Variants in IL1RAPL1 observed in about 807,000 individuals in gnomAD.
The protein encoded by IL1RAPL1 is interleukin 1 receptor accessory protein like 1.
IL1RAPL1 carries 3 observed loss-of-function variants against 48.4 expected under a neutral mutation model. The ratio of observed to expected loss-of-function variants is 0.06; its 90% CI spans 0.03 to 0.16. IL1RAPL1 has a LOEUF of 0.16. Among genes scored for constraint, IL1RAPL1 ranks in the 10% least tolerant of loss-of-function variants. The pLI is 1.00. For synonymous variants in IL1RAPL1, 185 were observed against 187.7 expected, an observed-to-expected ratio of 0.99 and a Z score of 0.12; for missense variants, 349 against 530.6, an observed-to-expected ratio of 0.66 and a Z score of 3.36.
intron 6 of IL1RAPL1, among the ~76,000 whole-genome samples, chrX:29,822,191 A>T: frequency 9.0e-6 from 1 of 111,702 alleles, no homozygotes; most frequent in Middle Eastern, 4.7e-3. Flanking sequence ...AACAAAGCCT[A>T]TATTGTGAAG....
At chrX:28,708,431 A>G (rs1326229643) in intron 1 of IL1RAPL1, among the ~76,000 whole-genome samples, 1 of 111,211 alleles carries the variant, frequency 9.0e-6, no homozygotes, top group Non-Finnish European at 1.9e-5. Flanking sequence ...TCAGAAAACT[A>G]AAAATAGGAT....
chrX:29,323,465 T>C (rs191917480), intron 3 of IL1RAPL1, among the ~76,000 whole-genome samples: 101 of 106,210 alleles, frequency 9.5e-4, no homozygotes, highest in African/African-American at 3.2e-3. Flanking sequence ...TTGCCTCTTA[T>C]TATAGTATTC....
rs150542183 is a variant in IL1RAPL1, at chrX:29,402,182, A to G, written c.703+2874A>G. ...TGTTACGGCACCATCTCTAGCCTCT[A>G]TCTTTTATTAGCCTTACCCACATTG... is the stretch of plus-strand genomic sequence containing the variant. On this transcript the variant is annotated intron_variant, in intron 5 of 10. Coordinates refer to ENST00000378993, the MANE Select transcript of IL1RAPL1 (RefSeq NM_014271.4). Among the ~76,000 whole-genome samples, 1,065 of 111,641 alleles carry G rather than the reference A, an allele frequency of 9.5e-3. 15 individuals are homozygous for G. The highest frequency in any genetic ancestry group is 0.032 in the African/African-American group (992 of 30,751).
intron 6 of IL1RAPL1, among the ~76,000 whole-genome samples, chrX:29,866,421 G>A (rs369892087): frequency 1.8e-4 from 20 of 110,578 alleles, no homozygotes; most frequent in Middle Eastern, 4.3e-3. Context: ...ATAAATCAGA[G>A]TAAGGGAACA....
At chrX:29,394,052 T>C (rs1467175831) in intron 3 of IL1RAPL1, among the ~76,000 whole-genome samples, 4 of 109,595 alleles carry the variant, frequency 3.6e-5, no homozygotes, top group African/African-American at 1.3e-4. Context: ...AAAGATTGAC[T>C]CTACCTTTCA....
At chrX:28,743,523 CA>C (rs1404682224) in intron 1 of IL1RAPL1, among the ~76,000 whole-genome samples, 4 of 111,161 alleles carry the variant, frequency 3.6e-5, no homozygotes, top group Non-Finnish European at 7.6e-5. Context: ...GAATTGAGAA[CA>C]ACCAAGTATA....
chrX:29,837,188 G>A (rs950382003), intron 6 of IL1RAPL1, among the ~76,000 whole-genome samples: 36 of 102,417 alleles, frequency 3.5e-4, no homozygotes, highest in Admixed American at 8.7e-4. Context: ...GCGTGAACCC[G>A]GGATGGGGAG....
intron 5 of IL1RAPL1, among the ~76,000 whole-genome samples, chrX:29,453,889 C>A (rs1934709099): frequency 8.9e-6 from 1 of 112,390 alleles, no homozygotes; most frequent in Non-Finnish European, 1.9e-5. Flanking sequence ...ATATACATTC[C>A]TCTGCATCAT....
intron 1 of IL1RAPL1, among the ~76,000 whole-genome samples, chrX:28,667,965 T>C (rs180949102): frequency 9.0e-6 from 1 of 111,621 alleles, no homozygotes; most frequent in East Asian, 2.9e-4. Flanking sequence ...ATCATATGAA[T>C]TTTAGAGGGA....
intron 2 of IL1RAPL1, among the ~76,000 whole-genome samples, chrX:29,080,352 A>G (rs973781426): frequency 2.7e-5 from 3 of 110,288 alleles, no homozygotes; most frequent in Non-Finnish European, 5.7e-5. Flanking sequence ...GCACTCCAGC[A>G]TGAGTGACAG....
intron 6 of IL1RAPL1, among the ~76,000 whole-genome samples, chrX:29,824,353 G>T (rs1336368838): frequency 8.9e-6 from 1 of 111,871 alleles, no homozygotes; most frequent in Non-Finnish European, 1.9e-5. Flanking sequence ...AATAGGGTGT[G>T]TTGCCTTACT....
intron 6 of IL1RAPL1, among the ~76,000 whole-genome samples, chrX:29,758,498 G>A (rs1928670635): frequency 9.0e-6 from 1 of 110,511 alleles, no homozygotes; most frequent in Non-Finnish European, 1.9e-5. Flanking sequence ...TTTGAGACCA[G>A]CCTGACCAAC....
At chrX:28,733,644 T>C (rs139166254) in intron 1 of IL1RAPL1, among the ~76,000 whole-genome samples, 1,290 of 111,770 alleles carry the variant, frequency 0.012, 15 homozygotes, top group African/African-American at 0.04. Context: ...CAGCCTTCTT[T>C]CTGATTTTGT....
Position 29,671,140 on chromosome X carries a change from C to T in IL1RAPL1, c.778+2636C>T, listed in dbSNP as rs184197352. ...GTGTCCATAGATTCTCTAGTTTGCTCACAAATATATGTAATTCATTAATAA... is the reference window on the plus strand; with the variant it reads ...GTGTCCATAGATTCTCTAGTTTGCTTACAAATATATGTAATTCATTAATAA... On this transcript the variant is annotated intron_variant, in intron 6 of 10. Transcript: ENST00000378993. 1.5e-4 allele frequency among the ~76,000 whole-genome samples: 17 copies of T among 112,099 alleles called. No homozygotes were observed. In the South Asian group the frequency reaches 3.3e-3, roughly 22 times the overall value.
At chrX:29,865,712 CT>C (rs1394328821) in intron 6 of IL1RAPL1, among the ~76,000 whole-genome samples, 1 of 100,656 alleles carries the variant, frequency 9.9e-6, no homozygotes, top group East Asian at 3.1e-4. Flanking sequence ...TCTCCACTCA[CT>C]GCAACCTGCA....
chrX:29,560,521 A>C (rs1922156443), intron 5 of IL1RAPL1, among the ~76,000 whole-genome samples: 1 of 111,482 alleles, frequency 9.0e-6, no homozygotes, highest in East Asian at 2.8e-4. Flanking sequence ...GGTTCTCTTC[A>C]TGGGAAGCTC....
chrX:28,834,169 A>G (rs1921144368), intron 2 of IL1RAPL1, among the ~76,000 whole-genome samples: 1 of 111,537 alleles, frequency 9.0e-6, no homozygotes, highest in Non-Finnish European at 1.9e-5. Flanking sequence ...TCCTAGGTAC[A>G]CACCAAAGGT....
chrX:29,182,583 T>TTTTTTTTC (rs921025718), intron 2 of IL1RAPL1, among the ~76,000 whole-genome samples: 1 of 110,589 alleles, frequency 9.0e-6, no homozygotes, highest in Non-Finnish European at 1.9e-5. Context: ...TAGTTTTTTT[T>TTTTTTTTC]TTTTTTCACC....
intron 5 of IL1RAPL1, among the ~76,000 whole-genome samples, chrX:29,486,967 G>C (rs916119002): frequency 9.0e-6 from 1 of 111,451 alleles, no homozygotes; most frequent in African/African-American, 3.3e-5. Context: ...TAAGTCTAGG[G>C]TGAGGGCTGA....
Sources: allele counts gnomAD v4.1 joint callset (sites outside exome capture counted in the v4.1 genomes callset), GRCh38; gene constraint gnomAD v4.1.1; transcripts MANE v1.5; gene names NCBI Gene and HGNC (gene_info 2026-07-23, HGNC 2026-07-21).